Variants in PTCD1 observed in about 807,000 individuals in gnomAD.
PTCD1 encodes the protein pentatricopeptide repeat-containing protein 1, mitochondrial.
PTCD1 carries 50 observed loss-of-function variants against 53.4 expected under a neutral mutation model. That is an observed-to-expected ratio of 0.94 (90% CI 0.75 to 1.19). PTCD1 has a LOEUF of 1.19. Among genes scored for constraint, PTCD1 ranks in the 50% most tolerant of loss-of-function variants. The probability of loss-of-function intolerance (pLI) is 0.00; values close to 1 mark genes in which losing one functional copy is unlikely to be tolerated. For synonymous variants in PTCD1, 413 were observed against 394.8 expected (o/e 1.05, Z -0.55); for missense variants, 918 against 904.8 (o/e 1.01, Z -0.19).
chr7:99,421,028 GCA>G (rs1795791196), intron 7 of PTCD1, among the ~76,000 whole-genome samples: 1 of 152,142 alleles, frequency 6.6e-6, no homozygotes, highest in Admixed American at 6.5e-5. Flanking sequence ...GAGCCTGAAA[GCA>G]CAGAAAGCAA....
chr7:99,425,718 G>T, intron 5 of PTCD1, 102 bp from the exon 6 acceptor site: 2 of 1,418,644 alleles, frequency 1.4e-6, no homozygotes, highest in Non-Finnish European at 1.9e-6. Context: ...TAGATGGGAG[G>T]ATCCCTTGAG....
chr7:99,433,657 A>G (rs189328941), intron 2 of PTCD1, among the ~76,000 whole-genome samples: 2 of 152,354 alleles, frequency 1.3e-5, no homozygotes, highest in East Asian at 3.9e-4. Flanking sequence ...CATTCAAACA[A>G]TAATTACTGA....
At position 99,417,164 on chromosome 7, in the gene PTCD1, C is replaced by A. The variant is rs1416793836; in HGVS notation, c.*2803G>T. Reference sequence around the variant, plus strand: ...CTCCGCCTCCTGGGTTCAAGTGATTCTCCTGCCTCAGCCTCCTAAGTAGCT... The same window carrying A: ...CTCCGCCTCCTGGGTTCAAGTGATTATCCTGCCTCAGCCTCCTAAGTAGCT... On this transcript the variant is annotated 3_prime_UTR_variant, in exon 8 of 8. Transcript: ENST00000292478. The A allele has an allele frequency of 5.3e-6, 2 of 374,784 alleles. No homozygotes were observed. Among genetic ancestry groups the A allele is most frequent in the East Asian group, 6.7e-5 (1 of 14,918 alleles). 23.2% of individuals were successfully genotyped at this position (374,784 alleles called of 1,614,324 possible).
chr7:99,430,543 G>A (rs948674806), intron 3 of PTCD1, among the ~76,000 whole-genome samples: 1 of 152,208 alleles, frequency 6.6e-6, no homozygotes, highest in Non-Finnish European at 1.5e-5. Flanking sequence ...AAGTGGGGTG[G>A]CCTTGGACAT....
At position 99,434,793 on chromosome 7, in the gene PTCD1, C is replaced by G. The variant is rs1584468004; in HGVS notation, c.450G>C (p.Gly150=). 3 of 1,614,074 alleles carry G rather than the reference C, an allele frequency of 1.9e-6. No homozygotes were observed. The African/African-American group carries it at 4.0e-5, about 22-fold the overall frequency. Residue 150 remains glycine, a synonymous_variant, in exon 2 of 8, where the codon GGG becomes GGC. Coordinates refer to ENST00000292478, the MANE Select transcript of PTCD1 (RefSeq NM_015545.4). ...CAGAACCCAAAGTGCCCCTTACCTT[C>G]CCTTCCTTGATCAGGTGTTTGCACT... is the stretch of plus-strand genomic sequence containing the variant. ...FLQCKHLIKE[G]KLVEALDLFE... is the part of the protein sequence containing the mutation.
In PTCD1 at chr7:99,419,836, C is replaced by T. The variant is rs1795719499; in HGVS notation, c.*131G>A. On this transcript the variant is annotated 3_prime_UTR_variant, in exon 8 of 8. Transcript: ENST00000292478. ...TGGGCCTAGTGTGTGTCCTCACCAA[C>T]ACCTGTGACACGCTGCGGCTGTTCC... 1.3e-6 allele frequency: 2 copies of T among 1,495,340 alleles called. No individual in the cohort carries two copies. The highest frequency in any genetic ancestry group is 1.8e-6 in the Non-Finnish European group (2 of 1,098,614). The allele number at this position is 1,495,340 out of a possible 1,614,324, so 92.6% of individuals were successfully genotyped here.
At chr7:99,436,908 C>T (rs191873735) in intron 1 of PTCD1, among the ~76,000 whole-genome samples, 24 of 152,310 alleles carry the variant, frequency 1.6e-4, no homozygotes, top group African/African-American at 5.5e-4. Flanking sequence ...GGCTGGAGTG[C>T]GATGGCACAG....
rs769252224 is a variant in PTCD1 at position 99,425,272 on chromosome 7, G to A, written c.1260C>T (p.Pro420=). 38 of 1,613,188 alleles carry A rather than the reference G, an allele frequency of 2.4e-5. No individual in the cohort carries two copies. Among genetic ancestry groups the A allele is most frequent in the Admixed American group, 1.2e-4 (7 of 59,992 alleles). ...CTGCGGTGAGGGCTGCTGTGTGGCT[G>A]GGCTCTGCCTTAGTATCCACCTCTG... The part of the protein sequence containing the change: ...AQPEVDTKAE[P]SHTAALTAVA... Residue 420 remains proline, a synonymous_variant, in exon 6 of 8, where the codon CCC becomes CCT. Coordinates refer to ENST00000292478, the MANE Select transcript of PTCD1 (RefSeq NM_015545.4).
chr7:99,429,209 G>C lies in PTCD1; in HGVS notation c.814-5C>G, dbSNP rs952417040. 1.9e-6 allele frequency: 3 copies of C among 1,613,938 alleles called. No homozygotes were observed. The African/African-American group carries it at 4.0e-5, about 22-fold the overall frequency. On this transcript the variant is annotated splice_polypyrimidine_tract_variant and splice_region_variant and intron_variant, in intron 4 of 7. Coordinates refer to ENST00000292478, the MANE Select transcript of PTCD1 (RefSeq NM_015545.4). ...GTGCCCTTTGTGGATGATTTCCTGGGGGAGGGAACAAAGACGTCCCACTGA... is the reference window on the plus strand; with the variant it reads ...GTGCCCTTTGTGGATGATTTCCTGGCGGAGGGAACAAAGACGTCCCACTGA...
At chr7:99,433,486 G>A in intron 2 of PTCD1, 68 bp from the exon 3 acceptor site, 3 of 1,611,680 alleles carry the variant, frequency 1.9e-6, no homozygotes, top group Non-Finnish European at 2.5e-6. Context: ...AGAGAGGGAG[G>A]TTGAAGCTGA....
intron 3 of PTCD1, among the ~76,000 whole-genome samples, chr7:99,430,572 G>T (rs1021373826): frequency 6.6e-6 from 1 of 152,200 alleles, no homozygotes; most frequent in South Asian, 2.1e-4. Flanking sequence ...ATCTCTCTGT[G>T]CCTCAGTTTC....
At position 99,420,136 on chromosome 7, in the gene PTCD1, T is replaced by C. The variant is rs772306071; in HGVS notation, c.1934A>G (p.Asn645Ser). Residue 645 changes from asparagine to serine, a missense_variant, in exon 8 of 8, where the codon AAC (asparagine) becomes AGC (serine). By Grantham distance (46) the Asn-to-Ser change is conservative. Coordinates refer to ENST00000292478, the MANE Select transcript of PTCD1 (RefSeq NM_015545.4). ...GCCGTCAATCTTCTCCAGGTAGGTG[T>C]TCTTCCCTTGGTACTAGAATTAGAA... ...PPTFDRYQGK[N>S]TYLEKIDGFR... 29 of 1,614,056 alleles carry C rather than the reference T, an allele frequency of 1.8e-5. No homozygotes were observed. The highest frequency in any genetic ancestry group is 2.7e-5 in the African/African-American group (2 of 74,930).
rs59346440 is a variant in PTCD1 at position 99,422,461 on chromosome 7, C to T, written c.1920+1314G>A. ...CAGAACAGCAGGGAGAGGCTGTGGC[C>T]GTGACAAAGCAGATTCCATGACTCT... is the stretch of plus-strand genomic sequence containing the variant. On this transcript the variant is annotated intron_variant, in intron 7 of 7. Transcript: ENST00000292478. Among the ~76,000 whole-genome samples the T allele has an allele frequency of 4.7e-3, 713 of 152,256 alleles. 7 individuals carry two copies. The highest frequency in any genetic ancestry group is 0.016 in the African/African-American group (657 of 41,530).
chr7:99,432,470 A>C (rs572805068), intron 3 of PTCD1, among the ~76,000 whole-genome samples: 1 of 152,314 alleles, frequency 6.6e-6, no homozygotes, highest in African/African-American at 2.4e-5. Flanking sequence ...CTTTGCTCAC[A>C]TATTTTCCTG....
intron 5 of PTCD1, 46 bp from the exon 6 acceptor site, chr7:99,425,662 G>A: frequency 6.4e-7 from 1 of 1,568,994 alleles, no homozygotes; most frequent in Non-Finnish European, 8.6e-7. Flanking sequence ...CCATTCAGCA[G>A]CTGGGCGCAG....
At chr7:99,434,487 A>T (rs1796383289) in intron 2 of PTCD1, among the ~76,000 whole-genome samples, 1 of 150,460 alleles carries the variant, frequency 6.6e-6, no homozygotes. Context: ...AAGGGTGTGG[A>T]GGATTCACTT....
intron 4 of PTCD1, 74 bp from the exon 5 acceptor site, chr7:99,429,278 T>A: frequency 6.4e-7 from 1 of 1,572,948 alleles, no homozygotes; most frequent in Non-Finnish European, 8.7e-7. Context: ...TCTGTAATCC[T>A]GGCACATTGG....
At chr7:99,422,254 G>A (rs988594832) in intron 7 of PTCD1, among the ~76,000 whole-genome samples, 6 of 152,190 alleles carry the variant, frequency 3.9e-5, no homozygotes, top group Admixed American at 2.6e-4. Context: ...GCATTCAGGC[G>A]TGACACCTGC....
At position 99,418,002 on chromosome 7, in the gene PTCD1, T is replaced by C. The variant is rs2150938919; in HGVS notation, c.*1965A>G. 1 of 1,161,790 alleles carries C rather than the reference T, an allele frequency of 8.6e-7. No homozygotes were observed. Among genetic ancestry groups the C allele is most frequent in the Non-Finnish European group, 1.1e-6 (1 of 931,314 alleles). The allele number at this position is 1,161,790 out of a possible 1,614,324, so 72.0% of individuals were successfully genotyped here. On this transcript the variant is annotated 3_prime_UTR_variant, in exon 8 of 8. Transcript: ENST00000292478. The stretch of plus-strand genomic sequence containing the variant: ...CGCCCCCCCAAGACGGAGTCTTGCT[T>C]TGTCGCCCAGGCTGGAGTGCAGTGA...
Sources: allele counts gnomAD v4.1 joint callset (sites outside exome capture counted in the v4.1 genomes callset), GRCh38; gene constraint gnomAD v4.1.1; transcripts MANE v1.5; gene names NCBI Gene and HGNC (gene_info 2026-07-23, HGNC 2026-07-21).